The following BCHE variants were observed in gnomAD, a reference collection of about 807,000 sequenced individuals.
BCHE encodes the protein butyrylcholinesterase.
Under a neutral mutation model 51.3 loss-of-function variants are expected in BCHE, and 48 were observed. The ratio of observed to expected loss-of-function variants is 0.94; its 90% CI spans 0.74 to 1.19. The LOEUF is 1.19. Ranked by LOEUF, BCHE falls within the 50% of genes most tolerant of loss-of-function variation. The pLI is 0.00. For missense variants in BCHE, 847 were observed against 708.2 expected, an observed-to-expected ratio of 1.20 and a Z score of -2.23; for synonymous variants, 251 against 238.0, an observed-to-expected ratio of 1.05 and a Z score of -0.50.
At chr3:165,798,826 CA>C (rs11339534) in intron 2 of BCHE, among the ~76,000 whole-genome samples, 128,675 of 151,804 alleles carry the variant, frequency 0.85, 55,373 homozygotes, top group East Asian at 0.92. Flanking sequence ...CCCATCTGAA[CA>C]AAAAAAGAAG....
intron 2 of BCHE, among the ~76,000 whole-genome samples, chr3:165,825,059 C>T (rs929131563): frequency 6.6e-6 from 1 of 151,368 alleles, no homozygotes; most frequent in Non-Finnish European, 1.5e-5. Context: ...ATAGTGTACT[C>T]CTTTAAACTC....
rs777992593 is a variant in BCHE, at chr3:165,801,311, C to T, written c.1518-15000G>A. Among the ~76,000 whole-genome samples, 101 of 152,268 alleles carry T rather than the reference C, an allele frequency of 6.6e-4. 1 individual carries two copies. Among genetic ancestry groups the T allele is most frequent in the Admixed American group, 1.0e-3 (16 of 15,298 alleles). ...AAACCGCAAGGATAATTATTTTATA[C>T]TGAAAACTATTATTTAATAACTTAT... On this transcript the variant is annotated intron_variant, in intron 2 of 3. Transcript: ENST00000264381.
At chr3:165,787,342 G>A in intron 2 of BCHE, among the ~76,000 whole-genome samples, 1 of 151,764 alleles carries the variant, frequency 6.6e-6, no homozygotes. Flanking sequence ...TATGTTATTA[G>A]TATGAGTTAG....
At chr3:165,828,150 A>G in intron 2 of BCHE, 2 of 438,350 alleles carry the variant, frequency 4.6e-6, no homozygotes, top group Non-Finnish European at 9.1e-6. Context: ...TTGCAACTCT[A>G]GGAATTAAAG....
At chr3:165,773,617 TTTTC>T in intron 3 of BCHE, 111 bp from the exon 4 acceptor site, 2 of 796,048 alleles carry the variant, frequency 2.5e-6, no homozygotes, top group Non-Finnish European at 1.9e-6. Context: ...TACAGCATTA[TTTTC>T]TTTATTTATT....
At chr3:165,820,802 T>A (rs1022275753) in intron 2 of BCHE, among the ~76,000 whole-genome samples, 4 of 152,016 alleles carry the variant, frequency 2.6e-5, no homozygotes, top group Non-Finnish European at 4.4e-5. Context: ...CCCTTACCTC[T>A]ATAACATTAA....
chr3:165,785,243 T>G lies in BCHE; in HGVS notation c.1684+902A>C, dbSNP rs141441622. ...AAATATACAGCCTGAAAATTACAGATCGTCATGATGAGCAGAATAGCAAAC... is the reference window on the plus strand; with the variant it reads ...AAATATACAGCCTGAAAATTACAGAGCGTCATGATGAGCAGAATAGCAAAC... On this transcript the variant is annotated intron_variant, in intron 3 of 3. Transcript: ENST00000264381. Among the ~76,000 whole-genome samples the G allele has an allele frequency of 2.9e-3, 439 of 151,848 alleles. 4 individuals carry two copies. The highest frequency in any genetic ancestry group is 0.01 in the African/African-American group (419 of 41,512).
chr3:165,791,430 T>TGTTG (rs1372799907), intron 2 of BCHE, among the ~76,000 whole-genome samples: 1 of 152,078 alleles, frequency 6.6e-6, no homozygotes, highest in Admixed American at 6.5e-5. Flanking sequence ...AGGTGAGAAG[T>TGTTG]GTTGGTTGCT....
chr3:165,818,049 A>G (rs1466728376), intron 2 of BCHE, among the ~76,000 whole-genome samples: 2 of 152,182 alleles, frequency 1.3e-5, no homozygotes, highest in East Asian at 3.9e-4. Flanking sequence ...AAACAATCTC[A>G]TGACTTTCAT....
At chr3:165,780,987 A>T (rs897682891) in intron 3 of BCHE, among the ~76,000 whole-genome samples, 1 of 152,108 alleles carries the variant, frequency 6.6e-6, no homozygotes. Flanking sequence ...CACACATTTA[A>T]TCCCTGCACT....
chr3:165,791,535 T>C (rs182138419), intron 2 of BCHE, among the ~76,000 whole-genome samples: 1 of 152,134 alleles, frequency 6.6e-6, no homozygotes, highest in Admixed American at 6.5e-5. Context: ...AGATTAGATA[T>C]AAAGAGGAAA....
chr3:165,796,402 G>A (rs962041692), intron 2 of BCHE, among the ~76,000 whole-genome samples: 7 of 152,056 alleles, frequency 4.6e-5, no homozygotes, highest in Non-Finnish European at 8.8e-5. Flanking sequence ...ATGATTTCTG[G>A]TATCAGAAGT....
At chr3:165,787,720 A>T (rs149108356) in intron 2 of BCHE, among the ~76,000 whole-genome samples, 267 of 152,090 alleles carry the variant, frequency 1.8e-3, no homozygotes, top group African/African-American at 6.2e-3. Flanking sequence ...ACAATTGAAT[A>T]TATGGACTTA....
chr3:165,804,425 A>AT (rs1713793763), intron 2 of BCHE, among the ~76,000 whole-genome samples: 2 of 152,054 alleles, frequency 1.3e-5, no homozygotes, highest in South Asian at 2.1e-4. Context: ...GGCAAAGATG[A>AT]TTTTTTAAAA....
At chr3:165,790,441 G>C (rs1245985920) in intron 2 of BCHE, among the ~76,000 whole-genome samples, 1 of 152,076 alleles carries the variant, frequency 6.6e-6, no homozygotes, top group Non-Finnish European at 1.5e-5. Context: ...TCCTCAGCTG[G>C]TTCTAATTTG....
chr3:165,778,620 C>G (rs549039025), intron 3 of BCHE: 3 of 431,276 alleles, frequency 7.0e-6, no homozygotes, highest in South Asian at 3.2e-5. Context: ...TTCTTAAAAG[C>G]TTTCCATGGT....
chr3:165,831,600 A>G lies in BCHE; in HGVS notation c.-8-559T>C, dbSNP rs558033541. 3.4e-3 allele frequency among the ~76,000 whole-genome samples: 515 copies of G among 152,264 alleles called. 3 individuals are homozygous for G. The highest frequency in any genetic ancestry group is 5.3e-3 in the Admixed American group (81 of 15,284). On this transcript the variant is annotated intron_variant, in intron 1 of 3. Transcript: ENST00000264381. ...CTTTTGCCAAGTGACATCTTCCTCT[A>G]TACAATCCTATTATACAAACTGAAG...
intron 3 of BCHE, among the ~76,000 whole-genome samples, chr3:165,781,561 G>A (rs1361704956): frequency 6.6e-6 from 1 of 151,852 alleles, no homozygotes; most frequent in African/African-American, 2.4e-5. Context: ...TGGACACAGG[G>A]AGGGGAACAG....
chr3:165,779,445 G>C (rs73026263), intron 3 of BCHE, among the ~76,000 whole-genome samples: 12 of 151,988 alleles, frequency 7.9e-5, no homozygotes, highest in East Asian at 7.7e-4. Flanking sequence ...AGAAAGAAAG[G>C]GTATTCAAAT....
Sources: allele counts gnomAD v4.1 joint callset (sites outside exome capture counted in the v4.1 genomes callset), GRCh38; gene constraint gnomAD v4.1.1; transcripts MANE v1.5; gene names NCBI Gene and HGNC (gene_info 2026-07-23, HGNC 2026-07-21).